KDM4B: variants seen among roughly 807,000 people sequenced by gnomAD.
KDM4B encodes the protein lysine demethylase 4B.
Under a neutral mutation model 125.2 loss-of-function variants are expected in KDM4B, and 32 were observed. The observed-to-expected ratio is 0.26, with a 90% CI of 0.19 to 0.34. KDM4B has a LOEUF of 0.34. Among genes scored for constraint, KDM4B ranks in the 10% least tolerant of loss-of-function variants. KDM4B has a pLI of 1.00. For missense variants in KDM4B, 1,190 were observed against 1,577.7 expected (o/e 0.75, Z 4.16); for synonymous variants, 721 against 677.9 (o/e 1.06, Z -0.99).
intron 1 of KDM4B, among the ~76,000 whole-genome samples, chr19:5,009,172 C>T (rs979198135): frequency 2.0e-5 from 3 of 152,134 alleles, no homozygotes; most frequent in Non-Finnish European, 2.9e-5. Flanking sequence ...ACCTTGGCCT[C>T]CCAAAGTGCT....
At chr19:5,123,698 A>G (rs533031116) in intron 11 of KDM4B, among the ~76,000 whole-genome samples, 9 of 152,328 alleles carry the variant, frequency 5.9e-5, no homozygotes, top group African/African-American at 1.9e-4. Context: ...GGTTTGGGAA[A>G]TCCTCAGAAA....
Position 5,039,842 on chromosome 19 carries a change from C to A in KDM4B, c.148C>A (p.Pro50Thr). The A allele has an allele frequency of 6.2e-7, 1 of 1,611,956 alleles. No homozygotes were observed. Among genetic ancestry groups the A allele is most frequent in the Non-Finnish European group, 8.5e-7 (1 of 1,179,290 alleles). ...TCCCATCTTGGTCTTGCAGATCATC[C>A]CCCCGAAGGAGTGGAAGCCGCGGCA... Reference protein sequence around the residue: ...AHRAGLAKIIPPKEWKPRQTY... With the variant: ...AHRAGLAKIITPKEWKPRQTY... The change falls in exon 4 of 23, where the codon CCC becomes ACC. Residue 50 changes from proline to threonine, a missense_variant. By Grantham distance (38) the Pro-to-Thr change is conservative. Around this residue, in one of 7 missense-constraint regions of KDM4B, gnomAD observed 139 missense variants for 248.3 expected, o/e 0.56. Coordinates refer to ENST00000159111, the MANE Select transcript of KDM4B (RefSeq NM_015015.3).
At chr19:4,969,618 C>T (rs1018039025) in intron 1 of KDM4B, among the ~76,000 whole-genome samples, 61 of 151,936 alleles carry the variant, frequency 4.0e-4, no homozygotes, top group African/African-American at 1.4e-3. Context: ...CAAGCCTCGG[C>T]CTATTATTAT....
At chr19:5,036,517 G>A (rs2036630876) in intron 3 of KDM4B, among the ~76,000 whole-genome samples, 1 of 152,224 alleles carries the variant, frequency 6.6e-6, no homozygotes, top group Non-Finnish European at 1.5e-5. Flanking sequence ...GGAACTTCCA[G>A]TGCCCCTCCA....
intron 6 of KDM4B, among the ~76,000 whole-genome samples, chr19:5,050,004 C>A (rs539631936): frequency 6.6e-6 from 1 of 152,284 alleles, no homozygotes; most frequent in Admixed American, 6.5e-5. Context: ...TGCTTCCCCC[C>A]TCTCCCTTCC....
At chr19:5,058,338 C>T (rs375216723) in intron 6 of KDM4B, among the ~76,000 whole-genome samples, 1 of 152,186 alleles carries the variant, frequency 6.6e-6, no homozygotes, top group Admixed American at 6.5e-5. Context: ...ACACTCCACG[C>T]GCAACCCCCA....
chr19:5,082,211 C>T lies in KDM4B; in HGVS notation c.781-156C>T, dbSNP rs2038320490. On this transcript the variant is annotated intron_variant, in intron 8 of 22. Transcript: ENST00000159111. This position sits in a 1 kb window ranked among gnomAD's most constrained non-coding sequence, Gnocchi z 5.4. The stretch of plus-strand genomic sequence containing the variant: ...AGCCGCGTGGGAAATGGGCTGGAGC[C>T]CTGGAGCCCCTGGAGCCGCTGGATC... 6.6e-6 allele frequency among the ~76,000 whole-genome samples: 1 copy of T among 152,176 alleles called. No individual in the cohort carries two copies. The highest frequency in any genetic ancestry group is 1.5e-5 in the Non-Finnish European group (1 of 68,024).
chr19:5,130,486 C>T (rs900937430), intron 11 of KDM4B, among the ~76,000 whole-genome samples: 3 of 152,230 alleles, frequency 2.0e-5, no homozygotes, highest in Non-Finnish European at 2.9e-5. Context: ...GGTGTCGGGC[C>T]CCACAGGCCC....
chr19:5,147,891 A>G (rs571698609), intron 21 of KDM4B, among the ~76,000 whole-genome samples: 3 of 152,290 alleles, frequency 2.0e-5, no homozygotes, highest in Non-Finnish European at 4.4e-5. Flanking sequence ...CCTCGATCAC[A>G]CAATCATGCA....
At chr19:4,995,889 G>A (rs561898924) in intron 1 of KDM4B, among the ~76,000 whole-genome samples, 5 of 152,184 alleles carry the variant, frequency 3.3e-5, no homozygotes, top group Non-Finnish European at 5.9e-5. Flanking sequence ...GCGGTGTCAC[G>A]CGTAGATCTT....
At chr19:5,075,033 A>C (rs1272320375) in intron 7 of KDM4B, 1 of 152,334 alleles carries the variant, frequency 6.6e-6, no homozygotes, top group East Asian at 1.9e-4. Flanking sequence ...CAGCCGGGAG[A>C]GAGCCGGCAG....
intron 10 of KDM4B, chr19:5,111,445 A>G: frequency 1.3e-6 from 1 of 765,294 alleles, no homozygotes; most frequent in Non-Finnish European, 2.4e-6. Context: ...AGGAGAGGCC[A>G]AAGCATCTGC....
intron 10 of KDM4B, chr19:5,111,947 T>G: frequency 1.5e-6 from 1 of 668,818 alleles, no homozygotes; most frequent in Non-Finnish European, 2.7e-6. Flanking sequence ...TTTTCTGTTT[T>G]GAGCCACTTA....
intron 10 of KDM4B, chr19:5,112,561 T>C (rs1218118991): frequency 6.6e-6 from 1 of 152,204 alleles, no homozygotes; most frequent in Non-Finnish European, 1.5e-5. Context: ...TTGGAACTGG[T>C]TTCTGAAAAG....
chr19:5,120,263 G>A (rs888276128), intron 11 of KDM4B, among the ~76,000 whole-genome samples: 1 of 152,224 alleles, frequency 6.6e-6, no homozygotes, highest in African/African-American at 2.4e-5. Context: ...AGGCCGTAGT[G>A]AGCCGTGTTT....
At chr19:4,980,153 G>A (rs1241952651) in intron 1 of KDM4B, among the ~76,000 whole-genome samples, 3 of 151,866 alleles carry the variant, frequency 2.0e-5, no homozygotes, top group African/African-American at 7.3e-5. Context: ...TGACACAGTT[G>A]TGCAACCGTC....
At chr19:5,117,056 T>G (rs2146007414) in intron 10 of KDM4B, among the ~76,000 whole-genome samples, 1 of 152,226 alleles carries the variant, frequency 6.6e-6, no homozygotes, top group African/African-American at 2.4e-5. Context: ...CCTTGCTGTG[T>G]CTGTGCCGCC....
chr19:5,118,969 G>A lies in KDM4B; in HGVS notation c.1116-684G>A, dbSNP rs1318964991. On this transcript the variant is annotated intron_variant, in intron 10 of 22. Coordinates refer to ENST00000159111, the MANE Select transcript of KDM4B (RefSeq NM_015015.3). ...TGGGGTGTGGGCACAGGTCAGAGCA[G>A]CGGAGTGTGAGCTGGGGCTCCCATG... is the stretch of plus-strand genomic sequence containing the variant. The A allele has an allele frequency of 6.5e-6, 4 of 613,628 alleles. No homozygotes were observed. The Admixed American group carries it at 8.5e-5, about 13-fold the overall frequency. The allele number at this position is 613,628 out of a possible 1,614,324, so 38.0% of individuals were successfully genotyped here. A position where few individuals can be genotyped will look rare whatever the true frequency, so the allele number is the denominator to read the frequency against.
chr19:5,071,140 C>T (rs997575900), intron 7 of KDM4B, 81 bp downstream of exon 7: 2 of 1,344,500 alleles, frequency 1.5e-6, no homozygotes. Context: ...GCTGGCGTCC[C>T]CCGGGCTCTG....
Sources: gnomAD v4.1 joint callset for allele counts (sites outside exome capture counted in the v4.1 genomes callset) on GRCh38, gnomAD v4.1.1 for gene constraint, gnomAD v4.1.1 regional missense constraint, Gnocchi (gnomAD v3.1) non-coding constraint, MANE v1.5 for transcripts, NCBI Gene and HGNC (gene_info 2026-07-23, HGNC 2026-07-21) for gene names.